Variants in FHIT observed in about 807,000 individuals in gnomAD.
The protein encoded by FHIT is fragile histidine triad diadenosine triphosphatase.
FHIT carries 19 observed loss-of-function variants against 17.9 expected under a neutral mutation model. That is an observed-to-expected ratio of 1.06 (90% CI 0.74 to 1.56). The LOEUF (loss-of-function observed/expected upper bound fraction) is 1.56, where lower values mean the gene tolerates loss of function less well. Ranked by LOEUF, FHIT falls within the 40% of genes most tolerant of loss-of-function variation. The pLI is 0.00. For synonymous variants in FHIT, 81 were observed against 69.7 expected, an observed-to-expected ratio of 1.16 and a Z score of -0.81; for missense variants, 248 against 189.2, an observed-to-expected ratio of 1.31 and a Z score of -1.82.
At chr3:60,692,256 A>G (rs1351518541) in intron 4 of FHIT, among the ~76,000 whole-genome samples, 8 of 152,196 alleles carry the variant, frequency 5.3e-5, no homozygotes, top group African/African-American at 1.9e-4. Flanking sequence ...CATATTTCCA[A>G]AAATATTACT....
chr3:60,225,082 C>G (rs1242482249), intron 5 of FHIT, among the ~76,000 whole-genome samples: 1 of 152,118 alleles, frequency 6.6e-6, no homozygotes, highest in Admixed American at 6.6e-5. Context: ...TCCCCCCAAG[C>G]TAGGTAGAAT....
At chr3:61,125,280 A>C (rs964523617) in intron 2 of FHIT, among the ~76,000 whole-genome samples, 2 of 152,344 alleles carry the variant, frequency 1.3e-5, no homozygotes, top group Admixed American at 6.5e-5. Context: ...CTATTGAATC[A>C]AAATATTTTT....
intron 3 of FHIT, among the ~76,000 whole-genome samples, chr3:60,922,033 A>G (rs1258773356): frequency 6.6e-6 from 1 of 152,224 alleles, no homozygotes; most frequent in African/African-American, 2.4e-5. Flanking sequence ...CCTGGTAATG[A>G]AATACCCACT....
chr3:60,009,786 T>C (rs528672319), intron 7 of FHIT, among the ~76,000 whole-genome samples: 3 of 152,158 alleles, frequency 2.0e-5, no homozygotes, highest in East Asian at 1.9e-4. Context: ...TTAGGAATCA[T>C]TCCCCATTCC....
chr3:61,046,895 A>C (rs895888488), intron 2 of FHIT, among the ~76,000 whole-genome samples: 1 of 152,206 alleles, frequency 6.6e-6, no homozygotes, highest in African/African-American at 2.4e-5. Context: ...CAAAAACCAC[A>C]TGATTATCTG....
intron 8 of FHIT, among the ~76,000 whole-genome samples, chr3:59,809,711 T>C (rs1575531731): frequency 1.3e-5 from 2 of 152,204 alleles, no homozygotes; most frequent in African/African-American, 2.4e-5. Flanking sequence ...GGGTTTGTTT[T>C]ATTTGTTTGC....
At chr3:61,209,247 A>G (rs935627725) in intron 1 of FHIT, among the ~76,000 whole-genome samples, 2 of 152,108 alleles carry the variant, frequency 1.3e-5, no homozygotes. Flanking sequence ...GCTGCCCTTA[A>G]AATTTTTTAC....
rs116460354 is a variant in FHIT at position 60,375,037 on chromosome 3, G to C, written c.103+161823C>G. Among the ~76,000 whole-genome samples the C allele has an allele frequency of 9.3e-3, 1,409 of 151,564 alleles. 24 individuals are homozygous for C. The highest frequency in any genetic ancestry group is 0.032 in the African/African-American group (1,322 of 41,298). Reference sequence around the variant, plus strand: ...AAGGGTAGCAGTGGTGTATGATAATGAGAAGAGGGAGAGAAAAATGGTAAA... The same window carrying C: ...AAGGGTAGCAGTGGTGTATGATAATCAGAAGAGGGAGAGAAAAATGGTAAA... On this transcript the variant is annotated intron_variant, in intron 5 of 9. Coordinates refer to ENST00000492590, the MANE Select transcript of FHIT (RefSeq NM_002012.4).
At chr3:59,992,235 G>T (rs962136224) in intron 7 of FHIT, among the ~76,000 whole-genome samples, 5 of 151,988 alleles carry the variant, frequency 3.3e-5, no homozygotes, top group Admixed American at 6.6e-5. Context: ...CTAACCAAAT[G>T]AGAAGTGACC....
chr3:60,478,565 A>G (rs879651429), intron 5 of FHIT, among the ~76,000 whole-genome samples: 1 of 152,214 alleles, frequency 6.6e-6, no homozygotes, highest in Non-Finnish European at 1.5e-5. Context: ...AGTAACGATC[A>G]TGGTGATGGT....
chr3:60,511,901 T>A (rs1026825033), intron 5 of FHIT, among the ~76,000 whole-genome samples: 1 of 152,114 alleles, frequency 6.6e-6, no homozygotes. Context: ...CAAAATGATA[T>A]AATAAATGGA....
chr3:60,560,844 C>G (rs2856047), intron 4 of FHIT, among the ~76,000 whole-genome samples: 50,517 of 122,076 alleles, frequency 0.41, 10,746 homozygotes, highest in East Asian at 0.6. Context: ...CACACACACA[C>G]AGAGAGAGAG....
chr3:60,061,299 C>T (rs76472500), intron 5 of FHIT, among the ~76,000 whole-genome samples: 4,847 of 152,240 alleles, frequency 0.032, 243 homozygotes, highest in African/African-American at 0.11. Flanking sequence ...TGTGATGGCC[C>T]GAGGCCCTGC....
chr3:61,114,243 G>A (rs2036237631), intron 2 of FHIT, among the ~76,000 whole-genome samples: 1 of 152,170 alleles, frequency 6.6e-6, no homozygotes, highest in Admixed American at 6.5e-5. Flanking sequence ...AGTCCTCTGA[G>A]GAACCTAGCA....
intron 4 of FHIT, among the ~76,000 whole-genome samples, chr3:60,744,851 A>G (rs75741096): frequency 6.6e-6 from 1 of 152,198 alleles, no homozygotes; most frequent in African/African-American, 2.4e-5. Flanking sequence ...TTATTTGGCC[A>G]ATCATGTAAT....
At chr3:61,116,181 G>C (rs1385327502) in intron 2 of FHIT, among the ~76,000 whole-genome samples, 1 of 151,962 alleles carries the variant, frequency 6.6e-6, no homozygotes, top group Non-Finnish European at 1.5e-5. Flanking sequence ...CTCGGGTCTT[G>C]GTGGTGCCAT....
intron 5 of FHIT, among the ~76,000 whole-genome samples, chr3:60,083,904 C>G (rs1374831486): frequency 6.6e-6 from 1 of 152,202 alleles, no homozygotes; most frequent in Non-Finnish European, 1.5e-5. Context: ...CTAATAATAA[C>G]AAGGCCATGC....
At chr3:60,455,116 G>A (rs2032007171) in intron 5 of FHIT, among the ~76,000 whole-genome samples, 2 of 152,062 alleles carry the variant, frequency 1.3e-5, no homozygotes. Flanking sequence ...AAGATGGGGT[G>A]GGTGAGGTAG....
At chr3:61,234,137 C>T (rs927109671) in intron 1 of FHIT, among the ~76,000 whole-genome samples, 2 of 152,156 alleles carry the variant, frequency 1.3e-5, no homozygotes, top group Non-Finnish European at 2.9e-5. Flanking sequence ...TCTGTATTCT[C>T]TTCTCTGAAG....
Sources: gnomAD v4.1 joint callset for allele counts (sites outside exome capture counted in the v4.1 genomes callset) on GRCh38, gnomAD v4.1.1 for gene constraint, MANE v1.5 for transcripts, NCBI Gene and HGNC (gene_info 2026-07-23, HGNC 2026-07-21) for gene names.